The following ANO4 variants were observed in gnomAD, a reference collection of about 807,000 sequenced individuals.
ANO4 encodes anoctamin-4.
In ANO4, 69 loss-of-function variants were observed where a neutral mutation model predicts 141.9. That is an observed-to-expected ratio of 0.49 (90% CI 0.40 to 0.59). ANO4 has a LOEUF of 0.59. ANO4 is among the 20% of genes least tolerant of loss of function. The pLI is 0.00. For synonymous variants in ANO4, 350 were observed against 394.3 expected, an observed-to-expected ratio of 0.89 and a Z score of 1.33; for missense variants, 894 against 1,162.2, an observed-to-expected ratio of 0.77 and a Z score of 3.36.
chr12:100,737,680 A>G (rs181425056), intron 2 of ANO4, among the ~76,000 whole-genome samples: 2 of 152,356 alleles, frequency 1.3e-5, no homozygotes, highest in African/African-American at 2.4e-5. Context: ...GTCCAGTGCA[A>G]AGCACTTTTG....
At chr12:100,832,392 G>T in intron 1 of ANO4, among the ~76,000 whole-genome samples, 1 of 151,986 alleles carries the variant, frequency 6.6e-6, no homozygotes, top group East Asian at 1.9e-4. Context: ...TGACGAAAAA[G>T]CAAAACAATA....
chr12:100,889,999 A>G (rs949442273), intron 1 of ANO4, among the ~76,000 whole-genome samples: 11 of 152,120 alleles, frequency 7.2e-5, no homozygotes, highest in Admixed American at 6.5e-4. Flanking sequence ...ATATTTAACT[A>G]TTGCCCTATT....
chr12:100,893,023 A>G (rs141779467), intron 1 of ANO4, among the ~76,000 whole-genome samples: 1 of 152,264 alleles, frequency 6.6e-6, no homozygotes, highest in Non-Finnish European at 1.5e-5. Flanking sequence ...ATATATATAG[A>G]CAATCACAGT....
At chr12:101,112,822 T>A (rs1048251154) in intron 24 of ANO4, among the ~76,000 whole-genome samples, 3 of 152,364 alleles carry the variant, frequency 2.0e-5, no homozygotes, top group Admixed American at 6.5e-5. Context: ...TTCTGTAAAG[T>A]TCTTGACTAC....
intron 14 of ANO4, chr12:101,068,828 C>G (rs2048699012): frequency 9.4e-7 from 1 of 1,067,522 alleles, no homozygotes; most frequent in African/African-American, 1.5e-5. Flanking sequence ...TTGAAGGTTG[C>G]TGAGCTATTT....
At chr12:101,094,598 G>A (rs976327591) in intron 18 of ANO4, among the ~76,000 whole-genome samples, 2 of 152,120 alleles carry the variant, frequency 1.3e-5, no homozygotes, top group Non-Finnish European at 2.9e-5. Flanking sequence ...TATAATTTAG[G>A]AAAGTGTTCA....
intron 1 of ANO4, among the ~76,000 whole-genome samples, chr12:100,804,421 T>A (rs769670433): frequency 8.5e-5 from 13 of 152,336 alleles, no homozygotes; most frequent in Middle Eastern, 3.4e-3. Flanking sequence ...AATGCATGCA[T>A]GTATCTTTAT....
intron 14 of ANO4, among the ~76,000 whole-genome samples, chr12:101,054,369 G>A (rs1407317500): frequency 6.6e-6 from 1 of 152,070 alleles, no homozygotes; most frequent in African/African-American, 2.4e-5. Flanking sequence ...TGGGATTGTG[G>A]GAAGATTTTT....
chr12:100,814,077 C>T (rs1428163377), intron 1 of ANO4, among the ~76,000 whole-genome samples: 1 of 152,082 alleles, frequency 6.6e-6, no homozygotes, highest in Non-Finnish European at 1.5e-5. Flanking sequence ...TTTATATTTA[C>T]TTTAATATAA....
intron 17 of ANO4, among the ~76,000 whole-genome samples, chr12:101,089,993 A>G (rs1438845914): frequency 6.6e-6 from 1 of 152,266 alleles, no homozygotes; most frequent in Non-Finnish European, 1.5e-5. Flanking sequence ...AGACACATGA[A>G]AAAATGCTCA....
At chr12:101,005,736 AATAG>A (rs1447623197) in intron 8 of ANO4, among the ~76,000 whole-genome samples, 1 of 152,212 alleles carries the variant, frequency 6.6e-6, no homozygotes, top group African/African-American at 2.4e-5. Context: ...CTTATATATA[AATAG>A]ATAATTTTAG....
At chr12:100,996,283 C>A (rs1286309712) in intron 8 of ANO4, among the ~76,000 whole-genome samples, 3 of 152,092 alleles carry the variant, frequency 2.0e-5, no homozygotes, top group Non-Finnish European at 4.4e-5. Context: ...TGAGCTAGGG[C>A]ATAAGAAAAA....
intron 1 of ANO4, among the ~76,000 whole-genome samples, chr12:100,876,287 A>C (rs1481446899): frequency 6.6e-6 from 1 of 151,214 alleles, no homozygotes; most frequent in Non-Finnish European, 1.5e-5. Context: ...CCAAAAAAAA[A>C]AAAAAAAAAC....
chr12:100,809,009 A>G (rs1449208062), intron 1 of ANO4, among the ~76,000 whole-genome samples: 1 of 152,216 alleles, frequency 6.6e-6, no homozygotes, highest in Admixed American at 6.5e-5. Flanking sequence ...ACTATAGACC[A>G]AATGTTAGAA....
intron 9 of ANO4, among the ~76,000 whole-genome samples, chr12:101,031,512 A>T (rs983093992): frequency 1.3e-5 from 2 of 152,212 alleles, no homozygotes; most frequent in Non-Finnish European, 2.9e-5. Context: ...TTCCCTTTGA[A>T]AACCAGTACA....
intron 3 of ANO4, among the ~76,000 whole-genome samples, chr12:100,938,167 A>C (rs1376173774): frequency 6.6e-6 from 1 of 152,238 alleles, no homozygotes; most frequent in South Asian, 2.1e-4. Flanking sequence ...ATGCTTGGAT[A>C]TAGCTTTATA....
At chr12:100,957,804 T>C (rs1307146510) in intron 5 of ANO4, among the ~76,000 whole-genome samples, 1 of 152,222 alleles carries the variant, frequency 6.6e-6, no homozygotes, top group Non-Finnish European at 1.5e-5. Context: ...AATGATAATA[T>C]TTTCTTCATA....
chr12:100,771,923 C>G (rs1036821366), intron 3 of ANO4, among the ~76,000 whole-genome samples: 6 of 152,194 alleles, frequency 3.9e-5, no homozygotes, highest in Non-Finnish European at 1.5e-5. Flanking sequence ...GCAGCATTCC[C>G]TGTGAGTTCT....
At chr12:100,967,297 G>A (rs7306259) in intron 5 of ANO4, among the ~76,000 whole-genome samples, 30,135 of 151,716 alleles carry the variant, frequency 0.2, 3,121 homozygotes, top group Middle Eastern at 0.32. Context: ...TTTCACTTTG[G>A]CTCTTGTGCA....
Sources: allele counts gnomAD v4.1 joint callset (sites outside exome capture counted in the v4.1 genomes callset), GRCh38; gene constraint gnomAD v4.1.1; transcripts MANE v1.5; gene names NCBI Gene and HGNC (gene_info 2026-07-23, HGNC 2026-07-21).